Variants in CACHD1 observed in about 807,000 individuals in gnomAD.
CACHD1 encodes the protein cache domain containing 1.
Under a neutral mutation model 138.7 loss-of-function variants are expected in CACHD1, and 71 were observed. The observed-to-expected ratio is 0.51, with a 90% confidence interval of 0.42 to 0.62. The LOEUF is 0.62. Ranked by LOEUF, CACHD1 falls within the 20% of genes least tolerant of loss-of-function variation. CACHD1 has a pLI of 0.00. For missense variants in CACHD1, 1,389 were observed against 1,625.3 expected, an observed-to-expected ratio of 0.85 and a Z score of 2.50; for synonymous variants, 578 against 591.5, an observed-to-expected ratio of 0.98 and a Z score of 0.33.
At chr1:64,543,416 T>A (rs1646693155) in intron 1 of CACHD1, among the ~76,000 whole-genome samples, 1 of 145,090 alleles carries the variant, frequency 6.9e-6, no homozygotes, top group Non-Finnish European at 1.5e-5. Flanking sequence ...TATATATATA[T>A]ATATATATAT....
At chr1:64,612,199 A>G (rs991799797) in intron 4 of CACHD1, among the ~76,000 whole-genome samples, 1 of 152,184 alleles carries the variant, frequency 6.6e-6, no homozygotes, top group South Asian at 2.1e-4. Context: ...CAGAGCCAAA[A>G]CCTATCATGA....
At chr1:64,481,933 T>C (rs1305861457) in intron 1 of CACHD1, among the ~76,000 whole-genome samples, 1 of 152,136 alleles carries the variant, frequency 6.6e-6, no homozygotes, top group Non-Finnish European at 1.5e-5. Flanking sequence ...AAGGTAAGGA[T>C]TCTATATAGG....
chr1:64,557,079 C>T (rs1312952003), intron 2 of CACHD1, among the ~76,000 whole-genome samples: 1 of 150,830 alleles, frequency 6.6e-6, no homozygotes, highest in Non-Finnish European at 1.5e-5. Context: ...TGAGATCACA[C>T]CACTGCACTC....
intron 1 of CACHD1, among the ~76,000 whole-genome samples, chr1:64,499,793 T>A (rs1262446665): frequency 6.6e-6 from 1 of 152,230 alleles, no homozygotes; most frequent in Non-Finnish European, 1.5e-5. Context: ...ATGTTGTTGA[T>A]TAATAATAAA....
chr1:64,615,753 A>G (rs1647686162), intron 4 of CACHD1, among the ~76,000 whole-genome samples: 1 of 152,240 alleles, frequency 6.6e-6, no homozygotes, highest in Admixed American at 6.5e-5. Flanking sequence ...ATCAACACAC[A>G]TAAATGTCCC....
chr1:64,598,385 C>T (rs1398154466), intron 3 of CACHD1, among the ~76,000 whole-genome samples: 4 of 152,084 alleles, frequency 2.6e-5, no homozygotes, highest in African/African-American at 4.8e-5. Context: ...AGAGAACTCA[C>T]GGCAGTTGAG....
At chr1:64,565,925 T>A (rs1159280238) in intron 2 of CACHD1, among the ~76,000 whole-genome samples, 2 of 152,218 alleles carry the variant, frequency 1.3e-5, no homozygotes, top group Non-Finnish European at 2.9e-5. Context: ...GCCGTGATAA[T>A]AATCAGCATT....
intron 2 of CACHD1, among the ~76,000 whole-genome samples, chr1:64,565,087 C>G (rs745688869): frequency 2.0e-5 from 3 of 149,848 alleles, no homozygotes; most frequent in Non-Finnish European, 4.4e-5. Context: ...TGGTGGTAGC[C>G]TGAGGGCTCT....
At chr1:64,616,826 G>A (rs1025342544) in intron 4 of CACHD1, among the ~76,000 whole-genome samples, 3 of 152,142 alleles carry the variant, frequency 2.0e-5, no homozygotes, top group African/African-American at 7.2e-5. Flanking sequence ...GGAAGCCAGT[G>A]GAAAGGGGCC....
At chr1:64,563,727 T>G (rs1355608800) in intron 2 of CACHD1, 1 of 152,172 alleles carries the variant, frequency 6.6e-6, no homozygotes. Context: ...TCTCTAGTCT[T>G]TTTTGGACAG....
At chr1:64,563,610 T>TGTGCC (rs370029639) in intron 2 of CACHD1, 30 of 152,322 alleles carry the variant, frequency 2.0e-4, no homozygotes, top group African/African-American at 7.2e-4. Context: ...CAGCACTTTA[T>TGTGCC]GTGCCCCGAT....
At chr1:64,516,533 G>A (rs747129768) in intron 1 of CACHD1, among the ~76,000 whole-genome samples, 7 of 152,222 alleles carry the variant, frequency 4.6e-5, no homozygotes, top group East Asian at 3.9e-4. Flanking sequence ...AGGCTGTCAC[G>A]TTGGAAAAAA....
At chr1:64,647,013 A>G (rs1391735451) in intron 8 of CACHD1, among the ~76,000 whole-genome samples, 2 of 151,962 alleles carry the variant, frequency 1.3e-5, no homozygotes, top group Non-Finnish European at 2.9e-5. Flanking sequence ...AACAGTCCCC[A>G]TATGCAATCA....
chr1:64,635,380 ATTT>A (rs71056060), intron 7 of CACHD1, among the ~76,000 whole-genome samples: 70 of 91,796 alleles, frequency 7.6e-4, no homozygotes, highest in African/African-American at 1.9e-3. Context: ...CTCTAATTTA[ATTT>A]TTTTTTTTTT....
intron 4 of CACHD1, among the ~76,000 whole-genome samples, chr1:64,608,092 C>T (rs1236128568): frequency 6.6e-6 from 1 of 152,108 alleles, no homozygotes; most frequent in Non-Finnish European, 1.5e-5. Context: ...TTTCTGTGAG[C>T]ATGTCTCAAG....
At chr1:64,505,328 G>A (rs1646363785) in intron 1 of CACHD1, among the ~76,000 whole-genome samples, 1 of 151,564 alleles carries the variant, frequency 6.6e-6, no homozygotes, top group African/African-American at 2.4e-5. Flanking sequence ...TACTGTCAGG[G>A]TGGCTGTCTC....
chr1:64,626,956 C>G (rs1210101467), intron 4 of CACHD1, among the ~76,000 whole-genome samples: 1 of 151,286 alleles, frequency 6.6e-6, no homozygotes, highest in African/African-American at 2.4e-5. Context: ...TTTTTTTTCT[C>G]CTTACCTCCA....
At chr1:64,670,798 C>T (rs1209591034) in intron 16 of CACHD1, among the ~76,000 whole-genome samples, 1 of 152,184 alleles carries the variant, frequency 6.6e-6, no homozygotes, top group Non-Finnish European at 1.5e-5. Flanking sequence ...ATTATTGAAT[C>T]CATTTTCAGG....
chr1:64,639,622 A>G (rs893209691), intron 7 of CACHD1, among the ~76,000 whole-genome samples: 15 of 152,256 alleles, frequency 9.9e-5, no homozygotes, highest in Non-Finnish European at 2.2e-4. Context: ...GTTATCTATG[A>G]CATTCATATA....
Sources: allele counts gnomAD v4.1 joint callset (sites outside exome capture counted in the v4.1 genomes callset), GRCh38; gene constraint gnomAD v4.1.1; transcripts MANE v1.5; gene names NCBI Gene and HGNC (gene_info 2026-07-23, HGNC 2026-07-21).